The following HRNR variants were observed in gnomAD, a reference collection of about 807,000 sequenced individuals.
HRNR encodes filaggrin family member 3.
HRNR carries 7 observed loss-of-function variants against 4.8 expected under a neutral mutation model. That is an observed-to-expected ratio of 1.47 (90% CI 0.83 to 2.75). HRNR has a LOEUF of 2.75. Among genes scored for constraint, HRNR ranks in the 30% most tolerant of loss-of-function variants. The probability of loss-of-function intolerance (pLI) is 0.00; values close to 1 mark genes in which losing one functional copy is unlikely to be tolerated. For missense variants in HRNR, 2,879 were observed against 3,010.4 expected, an observed-to-expected ratio of 0.96 and a Z score of 1.02; for synonymous variants, 1,023 against 1,242.7, an observed-to-expected ratio of 0.82 and a Z score of 3.72.
In HRNR at chr1:152,218,712, G is replaced by T. The variant is rs1020205068; in HGVS notation, c.2917C>A (p.His973Asn). The change falls in exon 3 of 3, where the codon CAT (histidine) becomes AAT (asparagine). Residue 973 changes from histidine to asparagine, a missense_variant. Coordinates refer to ENST00000368801, the MANE Select transcript of HRNR (RefSeq NM_001009931.3). ...RSGQSSRSEQ[H>N]GSSSGSSSSY... ...GAAGACGAACCTGAGCTAGATCCAT[G>T]TTGTTCGCTCCTAGATGACTGTCCT... 9.9e-6 allele frequency: 16 copies of T among 1,613,864 alleles called. No individual in the cohort carries two copies. Among genetic ancestry groups the T allele is most frequent in the Admixed American group, 8.3e-5 (5 of 59,998 alleles).
intron 1 of HRNR, 78 bp downstream of exon 1, chr1:152,224,065 T>G (rs1464209183): frequency 6.6e-6 from 1 of 152,180 alleles, no homozygotes; most frequent in Non-Finnish European, 1.5e-5. Flanking sequence ...CTAGTGCCTC[T>G]TTGCCTTAGA....
rs754634636 is a variant in HRNR at position 152,218,584 on chromosome 1, C to A, written c.3045G>T (p.Gly1015=). The stretch of plus-strand genomic sequence containing the variant: ...AGCTGGAAGACTGCCCGGAACCAGA[C>A]CCATGTCGGCCACGGCTAGGGCTAG... ...QSPSPSRGRH[G]SGSGQSSSYG... The change falls in exon 3 of 3, where the codon GGG becomes GGT. Residue 1015 remains glycine (G), a synonymous_variant. Coordinates refer to ENST00000368801, the MANE Select transcript of HRNR (RefSeq NM_001009931.3). 2 of 1,613,790 alleles carry A rather than the reference C, an allele frequency of 1.2e-6. No homozygotes were observed. The highest frequency in any genetic ancestry group is 1.7e-5 in the Admixed American group (1 of 60,002).
Position 152,213,205 on chromosome 1 carries a change from A to G in HRNR, c.8424T>C (p.Asp2808=), listed in dbSNP as rs1243262253. The part of the protein sequence containing the change: ...YSQHGSGSGQ[D]GYSYCKGGSN... ...TTCCTCCTTTGCAATAAGAATACCC[A>G]TCTTGCCCTGAGCCACTTCCATGCT... The change falls in exon 3 of 3, where the codon GAT becomes GAC. Residue 2808 remains aspartate (D), a synonymous_variant. Coordinates refer to ENST00000368801, the MANE Select transcript of HRNR (RefSeq NM_001009931.3). The G allele has an allele frequency of 3.7e-6, 6 of 1,614,174 alleles. No homozygotes were observed. Among genetic ancestry groups the G allele is most frequent in the South Asian group, 1.1e-5 (1 of 91,086 alleles).
rs754942086 is a variant in HRNR at position 152,219,173 on chromosome 1, T to C, written c.2456A>G (p.Gln819Arg). The C allele has an allele frequency of 2.7e-5, 44 of 1,613,770 alleles. No homozygotes were observed. The Middle Eastern group carries it at 4.9e-4, about 18-fold the overall frequency. ...GCCCTGTCCTGAGCCAGACTCGTGT[T>C]GCCCAAAACCAGAAGCCTGGCCTGA... ...SGSGQASGFG[Q>R]HESGSGQGYS... is the part of the protein sequence containing the mutation. The change falls in exon 3 of 3, where the codon CAA becomes CGA. Residue 819 changes from glutamine (Q) to arginine (R), a missense_variant. This residue lies in a region of HRNR where 2,646 missense variants were observed against 1,377.7 expected (regional missense o/e 1.92). Coordinates refer to ENST00000368801, the MANE Select transcript of HRNR (RefSeq NM_001009931.3).
chr1:152,222,714 T>A (rs1649039492), intron 2 of HRNR, among the ~76,000 whole-genome samples: 1 of 152,232 alleles, frequency 6.6e-6, no homozygotes, highest in South Asian at 2.1e-4. Context: ...AGGAGTCTGA[T>A]ATAAGGTCCC....
At position 152,220,970 on chromosome 1, in the gene HRNR, G is replaced by A. The variant is rs776270746; in HGVS notation, c.659C>T (p.Thr220Ile). ...AGACTGGCCTGAGCCAGACCCATGTGTGTCATTGCTGGAAGACTGTCCGGA... is the reference window on the plus strand; with the variant it reads ...AGACTGGCCTGAGCCAGACCCATGTATGTCATTGCTGGAAGACTGTCCGGA... ...SGSGQSSSND[T>I]HGSGSGQSSG... Residue 220 changes from threonine (T) to isoleucine (I), a missense_variant, in exon 3 of 3, where the codon ACA (threonine) becomes ATA (isoleucine). Physicochemically the swap from Thr to Ile is moderately conservative, Grantham distance 89. This residue lies in a region of HRNR where 2,646 missense variants were observed against 1,377.7 expected (regional missense o/e 1.92). Transcript: ENST00000368801. 2 of 1,613,988 alleles carry A rather than the reference G, an allele frequency of 1.2e-6. No individual in the cohort carries two copies. The highest frequency in any genetic ancestry group is 1.7e-6 in the Non-Finnish European group (2 of 1,179,970).
Position 152,213,194 on chromosome 1 carries a change from T to A in HRNR, c.8435A>T (p.Tyr2812Phe), listed in dbSNP as rs1648455017. Residue 2812 changes from tyrosine (Y) to phenylalanine (F), a missense_variant, in exon 3 of 3, where the codon TAT becomes TTT. By Grantham distance (22) the Tyr-to-Phe change is conservative. This residue lies in a region of HRNR where 158 missense variants were observed against 107.6 expected (regional missense o/e 1.47). Coordinates refer to ENST00000368801, the MANE Select transcript of HRNR (RefSeq NM_001009931.3). The stretch of plus-strand genomic sequence containing the variant: ...ATCATGGTTACTTCCTCCTTTGCAA[T>A]AAGAATACCCATCTTGCCCTGAGCC... ...GSGSGQDGYS[Y>F]CKGGSNHDGG... 3 of 1,614,136 alleles carry A rather than the reference T, an allele frequency of 1.9e-6. No individual in the cohort carries two copies. Among genetic ancestry groups the A allele is most frequent in the Non-Finnish European group, 2.5e-6 (3 of 1,180,032 alleles).
rs146453724 is a variant in HRNR, at chr1:152,219,442, G to C, written c.2187C>G (p.His729Gln). Residue 729 changes from histidine (H) to glutamine (Q), a missense_variant, in exon 3 of 3, where the codon CAC (histidine) becomes CAG (glutamine). His to Gln is a conservative substitution (Grantham distance 24). Around this residue, in one of 8 missense-constraint regions of HRNR, gnomAD observed 2,646 missense variants for 1,377.7 expected, o/e 1.92. Transcript: ENST00000368801. ...GSSHSSGYRKHGSRSGQSSRS... is the reference protein window; with the variant it reads ...GSSHSSGYRKQGSRSGQSSRS... The stretch of plus-strand genomic sequence containing the variant: ...TAGATGACTGTCCTGACCTAGAGCC[G>C]TGTTTTCTGTAGCCGGAGGAGTGAC... The C allele has an allele frequency of 1.3e-5, 21 of 1,613,686 alleles. No individual in the cohort carries two copies. Among genetic ancestry groups the C allele is most frequent in the South Asian group, 3.3e-5 (3 of 91,066 alleles).
In HRNR at chr1:152,219,823, A is replaced by T; in HGVS notation, c.1806T>A (p.Ser602=). ...GQSSGYGQHG[S]SSGHSSTHGQ... ...CATGGGTAGAGGAATGACCCGAGCTAGATCCGTGTTGACCGTAGCCAGAGG... is the reference window on the plus strand; with the variant it reads ...CATGGGTAGAGGAATGACCCGAGCTTGATCCGTGTTGACCGTAGCCAGAGG... Residue 602 remains serine (S), a synonymous_variant, in exon 3 of 3, where the codon TCT becomes TCA. Transcript: ENST00000368801. 6.2e-7 allele frequency: 1 copy of T among 1,612,190 alleles called. No individual in the cohort carries two copies. The highest frequency in any genetic ancestry group is 8.5e-7 in the Non-Finnish European group (1 of 1,178,714).
rs755542818 is a variant in HRNR at position 152,219,982 on chromosome 1, C to G, written c.1647G>C (p.Glu549Asp). The change falls in exon 3 of 3, where the codon GAG becomes GAC. Residue 549 changes from glutamate to aspartate, a missense_variant. Glu to Asp is a conservative substitution (Grantham distance 45). Around this residue, in one of 8 missense-constraint regions of HRNR, gnomAD observed 2,646 missense variants for 1,377.7 expected, o/e 1.92. Coordinates refer to ENST00000368801, the MANE Select transcript of HRNR (RefSeq NM_001009931.3). Reference sequence around the variant, plus strand: ...AGCTGGAAGACTGCCTGGAACCAGACTCATGTCGGCCACGGCTAGGGCTAG... The same window carrying G: ...AGCTGGAAGACTGCCTGGAACCAGAGTCATGTCGGCCACGGCTAGGGCTAG... ...QSPSPSRGRH[E>D]SGSRQSSSYG... The G allele has an allele frequency of 1.2e-6, 2 of 1,613,314 alleles. No individual in the cohort carries two copies. The highest frequency in any genetic ancestry group is 1.7e-4 in the Middle Eastern group (1 of 6,050).
In HRNR at chr1:152,219,906, C is replaced by A; in HGVS notation, c.1723G>T (p.Glu575Ter). 6.2e-7 allele frequency: 1 copy of A among 1,613,802 alleles called. No homozygotes were observed. Among genetic ancestry groups the A allele is most frequent in the Non-Finnish European group, 8.5e-7 (1 of 1,179,934 alleles). ...SGRSSSRGPYESGSGHSSGLG... is the reference protein window; with the variant it reads ...SGRSSSRGPY ...CCAGAAGAGTGACCGGAGCCAGACTCATATGGGCCACGGCTTGAAGACCTC... is the reference window on the plus strand; with the variant it reads ...CCAGAAGAGTGACCGGAGCCAGACTAATATGGGCCACGGCTTGAAGACCTC... The change falls in exon 3 of 3, where the codon GAG (glutamate) becomes TAG (stop). Residue 575 changes from glutamate to a stop codon, truncating the protein, a stop_gained. Transcript: ENST00000368801. LOFTEE classifies it low-confidence loss of function (END_TRUNC).
Position 152,219,269 on chromosome 1 carries a change from T to A in HRNR, c.2360A>T (p.His787Leu). 1.2e-6 allele frequency: 2 copies of A among 1,611,856 alleles called. No homozygotes were observed. The highest frequency in any genetic ancestry group is 1.7e-6 in the Non-Finnish European group (2 of 1,179,206). ...CCCGTGTTGGCCGTGGCTGGAGGAG[T>A]GCCCTGAACTGGACCCATGTCGGAC... ...SRVRHGSSSG[H>L]SSSHGQHGSG... is the part of the protein sequence containing the mutation. Residue 787 changes from histidine to leucine, a missense_variant, in exon 3 of 3, where the codon CAC (histidine) becomes CTC (leucine). His to Leu is a moderately conservative substitution (Grantham distance 99). Around this residue, in one of 8 missense-constraint regions of HRNR, gnomAD observed 2,646 missense variants for 1,377.7 expected, o/e 1.92. Transcript: ENST00000368801.
In HRNR at chr1:152,223,131, A is replaced by G; in HGVS notation, c.123T>C (p.Phe41=). The G allele has an allele frequency of 6.2e-7, 1 of 1,613,792 alleles. No homozygotes were observed. The highest frequency in any genetic ancestry group is 8.5e-7 in the Non-Finnish European group (1 of 1,179,814). ...GAGTTCTTACCTTCAGAATTTGATG[A>G]AACTCATTTTCCAGAAGTTCTTTCA... ...AELKELLENE[F]HQILKNPNDP... is the part of the protein sequence containing the mutation. The change falls in exon 2 of 3, where the codon TTT becomes TTC. Residue 41 remains phenylalanine (F), a synonymous_variant. Coordinates refer to ENST00000368801, the MANE Select transcript of HRNR (RefSeq NM_001009931.3).
Position 152,221,278 on chromosome 1 carries a change from T to G in HRNR, c.351A>C (p.Lys117Asn). ...QHQEEQEETE[K>N]EENKRQESSF... Reference sequence around the variant, plus strand: ...AGGATTCTTGCCGTTTGTTCTCCTCTTTTTCAGTTTCTTCTTGTTCCTCTT... The same window carrying G: ...AGGATTCTTGCCGTTTGTTCTCCTCGTTTTCAGTTTCTTCTTGTTCCTCTT... The change falls in exon 3 of 3, where the codon AAA becomes AAC. Residue 117 changes from lysine (K) to asparagine (N), a missense_variant. Physicochemically the swap from Lys to Asn is moderately conservative, Grantham distance 94 (BLOSUM62 0). Coordinates refer to ENST00000368801, the MANE Select transcript of HRNR (RefSeq NM_001009931.3). 4.3e-6 allele frequency: 7 copies of G among 1,614,036 alleles called. No individual in the cohort carries two copies. The highest frequency in any genetic ancestry group is 5.1e-6 in the Non-Finnish European group (6 of 1,180,006).
At position 152,219,643 on chromosome 1, in the gene HRNR, G is replaced by A. The variant is rs367786262; in HGVS notation, c.1986C>T (p.Arg662=). The change falls in exon 3 of 3, where the codon CGC becomes CGT. Residue 662 remains arginine, a synonymous_variant. Transcript: ENST00000368801. ...QGSGSGQSPS[R]GRHGSDFGHS... is the part of the protein sequence containing the mutation. ...GCCCAAAATCGGACCCATGTCGGCC[G>A]CGACTAGGAGACTGGCCAGATCCAG... 186 of 1,612,262 alleles carry A rather than the reference G, an allele frequency of 1.2e-4. No individual in the cohort carries two copies. The highest frequency in any genetic ancestry group is 3.6e-4 in the East Asian group (16 of 44,680).
Position 152,213,105 on chromosome 1 carries a change from G to C in HRNR, c.8524C>G (p.Gln2842Glu). 1 of 1,613,636 alleles carries C rather than the reference G, an allele frequency of 6.2e-7. No homozygotes were observed. The highest frequency in any genetic ancestry group is 8.5e-7 in the Non-Finnish European group (1 of 1,179,804). The part of the protein sequence containing the change: ...PSSTSPYEYV[Q>E]EQRCYFYQ ...TGATAAAAGTAGCACCTCTGCTCTT[G>C]GACATATTCATAGGGTGAAGTGCTA... The change falls in exon 3 of 3, where the codon CAA becomes GAA. Residue 2842 changes from glutamine (Q) to glutamate (E), a missense_variant. Physicochemically the swap from Gln to Glu is conservative, Grantham distance 29. Coordinates refer to ENST00000368801, the MANE Select transcript of HRNR (RefSeq NM_001009931.3).
Position 152,220,519 on chromosome 1 carries a change from G to A in HRNR, c.1110C>T (p.His370=), listed in dbSNP as rs762690312. ...GYSKHGSGSG[H]SSSQGQHGST... is the part of the protein sequence containing the mutation. ...ATCCATGTTGTCCCTGGCTAGAGGA[G>A]TGACCTGAGCCAGAACCATGCTTAC... Residue 370 remains histidine, a synonymous_variant, in exon 3 of 3, where the codon CAC becomes CAT. Transcript: ENST00000368801. The A allele has an allele frequency of 1.2e-6, 2 of 1,612,224 alleles. No homozygotes were observed. The highest frequency in any genetic ancestry group is 1.7e-5 in the Admixed American group (1 of 59,914).
chr1:152,218,586 C>T lies in HRNR; in HGVS notation c.3043G>A (p.Gly1015Arg), dbSNP rs748526420. 5 of 1,613,914 alleles carry T rather than the reference C, an allele frequency of 3.1e-6. No individual in the cohort carries two copies. In the South Asian group the frequency reaches 5.5e-5, roughly 18 times the overall value. Reference protein sequence around the residue: ...QSPSPSRGRHGSGSGQSSSYG... With the variant: ...QSPSPSRGRHRSGSGQSSSYG... ...CTGGAAGACTGCCCGGAACCAGACC[C>T]ATGTCGGCCACGGCTAGGGCTAGGA... Residue 1015 changes from glycine to arginine, a missense_variant, in exon 3 of 3, where the codon GGG becomes AGG. Gly to Arg is a moderately radical substitution (Grantham distance 125). Coordinates refer to ENST00000368801, the MANE Select transcript of HRNR (RefSeq NM_001009931.3).
In HRNR at chr1:152,219,631, C is replaced by A; in HGVS notation, c.1998G>T (p.Gly666=). ...AGCTGGAAGAGTGCCCAAAATCGGA[C>A]CCATGTCGGCCGCGACTAGGAGACT... ...SGQSPSRGRH[G]SDFGHSSSYG... is the part of the protein sequence containing the mutation. The change falls in exon 3 of 3, where the codon GGG becomes GGT. Residue 666 remains glycine, a synonymous_variant. Transcript: ENST00000368801. 1 of 1,611,860 alleles carries A rather than the reference C, an allele frequency of 6.2e-7. No homozygotes were observed. The highest frequency in any genetic ancestry group is 8.5e-7 in the Non-Finnish European group (1 of 1,178,680).
Sources: allele counts gnomAD v4.1 joint callset (sites outside exome capture counted in the v4.1 genomes callset), GRCh38; gene constraint gnomAD v4.1.1; regional missense constraint gnomAD v4.1.1; transcripts MANE v1.5; gene names NCBI Gene and HGNC (gene_info 2026-07-23, HGNC 2026-07-21).